Variants in GRIN2B observed in about 807,000 individuals in gnomAD.
GRIN2B encodes the protein glutamate receptor ionotropic, NMDA 2B.
In GRIN2B, 5 loss-of-function variants were observed where a neutral mutation model predicts 114.5. The ratio of observed to expected loss-of-function variants is 0.04; its 90% CI spans 0.02 to 0.09. The LOEUF (loss-of-function observed/expected upper bound fraction) is 0.09. Among genes scored for constraint, GRIN2B ranks in the 10% least tolerant of loss-of-function variants. The pLI is 1.00. For missense variants in GRIN2B, 1,108 were observed against 1,943.5 expected (o/e 0.57, Z 8.08); for synonymous variants, 787 against 745.1 (o/e 1.06, Z -0.92).
chr12:13,571,730 G>A, intron 11 of GRIN2B, 74 bp downstream of exon 11: 5 of 1,404,058 alleles, frequency 3.6e-6, no homozygotes, highest in Non-Finnish European at 5.1e-6. Flanking sequence ...TATACCTAGT[G>A]CATGTGATTC....
At chr12:13,749,457 G>A (rs1188207128) in intron 4 of GRIN2B, among the ~76,000 whole-genome samples, 2 of 152,228 alleles carry the variant, frequency 1.3e-5, no homozygotes, top group African/African-American at 4.8e-5. Flanking sequence ...GTGTCATGCT[G>A]GGGCTGGGCC....
intron 3 of GRIN2B, among the ~76,000 whole-genome samples, chr12:13,844,034 A>G (rs1414018914): frequency 1.3e-5 from 2 of 152,220 alleles, no homozygotes; most frequent in East Asian, 3.8e-4. Flanking sequence ...GGATCTGGCT[A>G]GGAGGCTTAT....
rs186918322 is a variant in GRIN2B at position 13,706,430 on chromosome 12, C to T, written c.1011-30571G>A. Among the ~76,000 whole-genome samples, 110 of 152,192 alleles carry T rather than the reference C, an allele frequency of 7.2e-4. 1 individual carries two copies. Among genetic ancestry groups the T allele is most frequent in the Middle Eastern group, 3.4e-3 (1 of 294 alleles). ...AATAAAATAAAGTATCTTCCAGCAACCTAAGGAGAACTCAATCAGCAGAGA... is the reference window on the plus strand; with the variant it reads ...AATAAAATAAAGTATCTTCCAGCAATCTAAGGAGAACTCAATCAGCAGAGA... On this transcript the variant is annotated intron_variant, in intron 4 of 13. Coordinates refer to ENST00000609686, the MANE Select transcript of GRIN2B (RefSeq NM_000834.5).
At chr12:13,770,550 G>C (rs1314789454) in intron 3 of GRIN2B, among the ~76,000 whole-genome samples, 3 of 152,142 alleles carry the variant, frequency 2.0e-5, no homozygotes, top group Admixed American at 6.5e-5. Flanking sequence ...AGAGTTACTT[G>C]TTAGCACAGA....
intron 4 of GRIN2B, among the ~76,000 whole-genome samples, chr12:13,751,414 T>C (rs979932993): frequency 1.4e-4 from 22 of 152,132 alleles, no homozygotes; most frequent in Non-Finnish European, 3.1e-4. Flanking sequence ...AGAAGCCCTG[T>C]AGTAATGCAT....
At chr12:13,812,215 C>T (rs1864743692) in intron 3 of GRIN2B, among the ~76,000 whole-genome samples, 1 of 151,824 alleles carries the variant, frequency 6.6e-6, no homozygotes, top group South Asian at 2.1e-4. Flanking sequence ...TGTGCAGCCC[C>T]ACTTTTAGGT....
At chr12:13,646,693 G>T (rs776652172) in intron 5 of GRIN2B, among the ~76,000 whole-genome samples, 2 of 147,924 alleles carry the variant, frequency 1.4e-5, no homozygotes, top group Admixed American at 6.8e-5. Flanking sequence ...TCTTATTTCC[G>T]TATTTATTTT....
At chr12:13,715,418 A>C (rs576316456) in intron 4 of GRIN2B, among the ~76,000 whole-genome samples, 1 of 151,914 alleles carries the variant, frequency 6.6e-6, no homozygotes, top group Non-Finnish European at 1.5e-5. Flanking sequence ...AGTTCTTAAC[A>C]ATATAAGGTT....
chr12:13,925,801 C>T (rs1488247196), intron 2 of GRIN2B, among the ~76,000 whole-genome samples: 1 of 152,070 alleles, frequency 6.6e-6, no homozygotes, highest in African/African-American at 2.4e-5. Context: ...CACTAATGAC[C>T]TGTTGATGAT....
chr12:13,800,789 A>G (rs1864496132), intron 3 of GRIN2B, among the ~76,000 whole-genome samples: 1 of 152,192 alleles, frequency 6.6e-6, no homozygotes, highest in African/African-American at 2.4e-5. Flanking sequence ...GTTCACAATG[A>G]TCTAATTAAC....
At chr12:13,925,726 T>G (rs1866900858) in intron 2 of GRIN2B, among the ~76,000 whole-genome samples, 1 of 152,142 alleles carries the variant, frequency 6.6e-6, no homozygotes, top group Non-Finnish European at 1.5e-5. Context: ...GCTATTAAAA[T>G]TCAAGCATTT....
intron 3 of GRIN2B, among the ~76,000 whole-genome samples, chr12:13,783,011 C>CA (rs563194622): frequency 4.4e-4 from 67 of 152,188 alleles, no homozygotes; most frequent in Non-Finnish European, 7.9e-4. Context: ...TCCTTCCCCC[C>CA]AAAAAACCTA....
At chr12:13,976,571 G>A (rs1863024088) in intron 2 of GRIN2B, among the ~76,000 whole-genome samples, 1 of 152,160 alleles carries the variant, frequency 6.6e-6, no homozygotes, top group African/African-American at 2.4e-5. Flanking sequence ...AGAATGGTGA[G>A]TTCAACCCTG....
chr12:13,577,397 C>T (rs1293304528), intron 10 of GRIN2B, among the ~76,000 whole-genome samples: 1 of 152,138 alleles, frequency 6.6e-6, no homozygotes, highest in Non-Finnish European at 1.5e-5. Context: ...TCTTAATGAC[C>T]TCAAAGTGAA....
At chr12:13,647,850 T>C (rs998968602) in intron 5 of GRIN2B, among the ~76,000 whole-genome samples, 10 of 152,052 alleles carry the variant, frequency 6.6e-5, no homozygotes, top group Non-Finnish European at 1.5e-5. Flanking sequence ...ATGAATAAGG[T>C]TCCATGCTCT....
intron 4 of GRIN2B, among the ~76,000 whole-genome samples, chr12:13,693,153 G>T (rs1017759660): frequency 6.6e-6 from 1 of 152,058 alleles, no homozygotes; most frequent in Non-Finnish European, 1.5e-5. Context: ...TTAGAAGTTT[G>T]ATGATGTTTT....
chr12:13,813,821 C>A (rs1295138609), intron 3 of GRIN2B, among the ~76,000 whole-genome samples: 1 of 152,182 alleles, frequency 6.6e-6, no homozygotes, highest in African/African-American at 2.4e-5. Context: ...TCTCACAAAA[C>A]AAGTAATAAA....
At chr12:13,606,909 CAA>C (rs912766179) in intron 10 of GRIN2B, among the ~76,000 whole-genome samples, 2 of 150,830 alleles carry the variant, frequency 1.3e-5, no homozygotes, top group African/African-American at 4.9e-5. Flanking sequence ...GAAAAAAATA[CAA>C]GAGAGAGAAT....
At position 13,544,291 on chromosome 12, in the gene GRIN2B, C is replaced by T. The variant is rs953341656; in HGVS notation, c.*18492G>A. The T allele has an allele frequency of 6.6e-6, 1 of 152,154 alleles. No homozygotes were observed. Among genetic ancestry groups the T allele is most frequent in the Non-Finnish European group, 1.5e-5 (1 of 68,072 alleles). The allele number at this position is 152,154 out of a possible 1,614,324, so 9.4% of individuals were successfully genotyped here. A position where few individuals can be genotyped will look rare whatever the true frequency, so the allele number is the denominator to read the frequency against. On this transcript the variant is annotated 3_prime_UTR_variant, in exon 14 of 14. Coordinates refer to ENST00000609686, the MANE Select transcript of GRIN2B (RefSeq NM_000834.5). ...CATGTTTCCAGATAGTCTTATCCTA[C>T]TCAATAATAGTACTTGCTTTACCCA...
Sources: allele counts gnomAD v4.1 joint callset (sites outside exome capture counted in the v4.1 genomes callset), GRCh38; gene constraint gnomAD v4.1.1; transcripts MANE v1.5; gene names NCBI Gene and HGNC (gene_info 2026-07-23, HGNC 2026-07-21).